FRMD3: variants seen among roughly 807,000 people sequenced by gnomAD.
FRMD3 encodes FERM domain containing 3, also known as FERM domain-containing protein 3.
A neutral mutation model predicts 70.2 loss-of-function variants in FRMD3; 33 were observed. That is an observed-to-expected ratio of 0.47 (90% CI 0.36 to 0.63). The LOEUF is 0.63. Ranked by LOEUF, FRMD3 falls within the 20% of genes least tolerant of loss-of-function variation. The pLI, the probability that FRMD3 is intolerant of heterozygous loss-of-function variation, is 0.00. For synonymous variants in FRMD3, 279 were observed against 255.9 expected (o/e 1.09, Z -0.86); for missense variants, 632 against 711.4 (o/e 0.89, Z 1.27).
At chr9:83,399,011 T>G (rs1825878932) in intron 1 of FRMD3, among the ~76,000 whole-genome samples, 1 of 152,148 alleles carries the variant, frequency 6.6e-6, no homozygotes, top group Non-Finnish European at 1.5e-5. Flanking sequence ...GCTTATCTAA[T>G]GCCCATGGTA....
chr9:83,429,325 A>G (rs1258219779), intron 1 of FRMD3, among the ~76,000 whole-genome samples: 2 of 152,152 alleles, frequency 1.3e-5, no homozygotes, highest in South Asian at 2.1e-4. Context: ...TGGAAGATCC[A>G]TCTTGATCCT....
the FRMD3 span, among the ~76,000 whole-genome samples, chr9:83,549,708 G>C: frequency 2.0e-5 from 3 of 152,154 alleles, no homozygotes; most frequent in African/African-American, 7.2e-5. Context: ...CAGTGATATC[G>C]AGCATTTTTT....
intron 1 of FRMD3, among the ~76,000 whole-genome samples, chr9:83,466,133 G>A (rs1465997037): frequency 6.6e-6 from 1 of 152,194 alleles, no homozygotes; most frequent in Non-Finnish European, 1.5e-5. Context: ...AATAAGAGAA[G>A]ACAAGCATTG....
intron 3 of FRMD3, among the ~76,000 whole-genome samples, chr9:83,372,385 AAG>A (rs1455417870): frequency 7.4e-4 from 88 of 118,388 alleles, no homozygotes; most frequent in African/African-American, 2.8e-3. Flanking sequence ...AAAAAAAAAA[AAG>A]AAGTTCAGAA....
chr9:83,313,598 A>T (rs1835447067), intron 7 of FRMD3, 62 bp downstream of exon 7: 3 of 1,332,434 alleles, frequency 2.3e-6, no homozygotes, highest in Non-Finnish European at 3.2e-6. Flanking sequence ...GCCTGCGCAC[A>T]GATAAACTCT....
At chr9:83,288,725 A>C (rs544017389) in intron 13 of FRMD3, among the ~76,000 whole-genome samples, 1 of 152,368 alleles carries the variant, frequency 6.6e-6, no homozygotes, top group East Asian at 1.9e-4. Flanking sequence ...GCAGTTAATT[A>C]CAATGGTTTG....
chr9:83,372,939 T>C lies in FRMD3; in HGVS notation c.269A>G (p.Asn90Ser). ...TTTCATTTGCTTGAAGATGGACTTG[T>C]TAGGTTCAAGCCAGTGCTAGGGAGG... ...PEKQRHWLEP[N>S]KSIFKQMKTH... Residue 90 changes from asparagine (N) to serine (S), a missense_variant, in exon 3 of 14, where the codon AAC becomes AGC. By Grantham distance (46) the Asn-to-Ser change is conservative. Transcript: ENST00000304195. The C allele has an allele frequency of 6.2e-7, 1 of 1,610,240 alleles. No individual in the cohort carries two copies. The highest frequency in any genetic ancestry group is 8.5e-7 in the Non-Finnish European group (1 of 1,179,254).
At chr9:83,403,900 C>T (rs1386293279) in intron 1 of FRMD3, among the ~76,000 whole-genome samples, 1 of 152,106 alleles carries the variant, frequency 6.6e-6, no homozygotes, top group African/African-American at 2.4e-5. Flanking sequence ...TTACTTCCAG[C>T]CCAGCATGGC....
chr9:83,284,969 C>G (rs1350916158), intron 13 of FRMD3, among the ~76,000 whole-genome samples: 3 of 152,166 alleles, frequency 2.0e-5, no homozygotes, highest in Admixed American at 1.3e-4. Flanking sequence ...ATGCAGCAGC[C>G]CCACCAGTGA....
intron 2 of FRMD3, among the ~76,000 whole-genome samples, chr9:83,384,490 G>T (rs1039051559): frequency 1.3e-5 from 2 of 152,130 alleles, no homozygotes; most frequent in African/African-American, 4.8e-5. Context: ...AAAGCAAATT[G>T]CTCTAACATA....
chr9:83,248,800 ATGTT>A (rs1227266388), intron 13 of FRMD3, among the ~76,000 whole-genome samples: 1 of 152,218 alleles, frequency 6.6e-6, no homozygotes, highest in Admixed American at 6.5e-5. Flanking sequence ...AACCTTGGCC[ATGTT>A]TGCTTGAATA....
the FRMD3 span, among the ~76,000 whole-genome samples, chr9:83,560,783 G>A: frequency 6.6e-6 from 1 of 152,148 alleles, no homozygotes; most frequent in South Asian, 2.1e-4. Flanking sequence ...CCATTAATGT[G>A]CCTCTTCTGT....
intron 1 of FRMD3, among the ~76,000 whole-genome samples, chr9:83,501,152 A>T (rs1438689941): frequency 6.6e-6 from 1 of 152,194 alleles, no homozygotes; most frequent in Non-Finnish European, 1.5e-5. Context: ...AATCCTACTT[A>T]AAAACTACAC....
chr9:83,539,682 C>T (rs1427069196), upstream of FRMD3, among the ~76,000 whole-genome samples: 8 of 152,112 alleles, frequency 5.3e-5, no homozygotes, highest in Admixed American at 4.6e-4. Flanking sequence ...TGGGGGAGTC[C>T]GCATTGCATT....
At chr9:83,507,689 T>TCC (rs1829222546) in intron 1 of FRMD3, among the ~76,000 whole-genome samples, 1 of 30,014 alleles carries the variant, frequency 3.3e-5, no homozygotes, top group Non-Finnish European at 5.3e-5. Context: ...AAAATATACA[T>TCC]ACATATATAT....
intron 6 of FRMD3, among the ~76,000 whole-genome samples, chr9:83,323,073 T>C (rs1169186813): frequency 6.6e-6 from 1 of 152,228 alleles, no homozygotes; most frequent in Non-Finnish European, 1.5e-5. Flanking sequence ...GAAACCCTCA[T>C]GTACTTCTGG....
chr9:83,366,249 A>G (rs1824781666), intron 3 of FRMD3, among the ~76,000 whole-genome samples: 1 of 152,088 alleles, frequency 6.6e-6, no homozygotes. Context: ...TGACTGAGCG[A>G]TTTTCTGAAA....
At chr9:83,412,128 T>C (rs1826296485) in intron 1 of FRMD3, among the ~76,000 whole-genome samples, 1 of 149,894 alleles carries the variant, frequency 6.7e-6, no homozygotes, top group Admixed American at 6.7e-5. Context: ...ATGGAATCCT[T>C]CACTTAAATA....
At chr9:83,559,537 C>T in the FRMD3 span, among the ~76,000 whole-genome samples, 1 of 152,176 alleles carries the variant, frequency 6.6e-6, no homozygotes, top group African/African-American at 2.4e-5. Context: ...TATGCCTGCA[C>T]TTGACTAGAC....
Sources: gnomAD v4.1 joint callset for allele counts (sites outside exome capture counted in the v4.1 genomes callset) on GRCh38, gnomAD v4.1.1 for gene constraint, MANE v1.5 for transcripts, NCBI Gene and HGNC (gene_info 2026-07-23, HGNC 2026-07-21) for gene names.